The following VRK1 variants were observed in gnomAD, a reference collection of about 807,000 sequenced individuals.
VRK1 encodes VRK serine/threonine kinase 1.
VRK1 carries 33 observed loss-of-function variants against 57.1 expected under a neutral mutation model. The observed-to-expected ratio is 0.58, with a 90% confidence interval of 0.44 to 0.77. VRK1 has a LOEUF of 0.77. Among genes scored for constraint, VRK1 ranks in the 30% least tolerant of loss-of-function variants. The pLI is 0.00. For synonymous variants in VRK1, 137 were observed against 147.8 expected (o/e 0.93, Z 0.53); for missense variants, 413 against 477.3 (o/e 0.87, Z 1.25).
At chr14:96,846,304 T>G in intron 4 of VRK1, 140 bp downstream of exon 4, 1 of 809,938 alleles carries the variant, frequency 1.2e-6, no homozygotes, top group Non-Finnish European at 2.0e-6. Context: ...ATGGGATTTG[T>G]GTGAAAGAAT....
chr14:96,865,718 C>T (rs2139825404), intron 11 of VRK1, among the ~76,000 whole-genome samples: 1 of 151,850 alleles, frequency 6.6e-6, no homozygotes, highest in East Asian at 1.9e-4. Context: ...AGAGGGAATA[C>T]ACAACATCCA....
intron 1 of VRK1, among the ~76,000 whole-genome samples, chr14:96,808,983 C>T (rs1046192222): frequency 6.6e-6 from 1 of 152,162 alleles, no homozygotes; most frequent in Non-Finnish European, 1.5e-5. Flanking sequence ...TTGACTAGAA[C>T]GTCTAGAAGA....
chr14:96,861,082 G>A (rs1888372250), intron 11 of VRK1, among the ~76,000 whole-genome samples: 2 of 152,028 alleles, frequency 1.3e-5, no homozygotes, highest in South Asian at 4.1e-4. Context: ...TCTTATTTGT[G>A]GATATGGTCA....
chr14:96,874,001 A>G (rs550197768), intron 11 of VRK1, among the ~76,000 whole-genome samples: 1 of 152,292 alleles, frequency 6.6e-6, no homozygotes, highest in South Asian at 2.1e-4. Flanking sequence ...ATTTACCTGC[A>G]TGGAGATTAA....
intron 11 of VRK1, among the ~76,000 whole-genome samples, chr14:96,865,371 A>G (rs1300533929): frequency 6.6e-6 from 1 of 152,144 alleles, no homozygotes; most frequent in South Asian, 2.1e-4. Context: ...TAGATACCCT[A>G]TTCTGTACCA....
intron 11 of VRK1, among the ~76,000 whole-genome samples, chr14:96,871,551 G>T (rs984457976): frequency 6.6e-6 from 1 of 152,144 alleles, no homozygotes; most frequent in Non-Finnish European, 1.5e-5. Context: ...GAAATTAAAC[G>T]TGTGTGTATT....
chr14:96,838,967 T>G (rs1203612203), intron 3 of VRK1, among the ~76,000 whole-genome samples: 1 of 152,164 alleles, frequency 6.6e-6, no homozygotes, highest in Non-Finnish European at 1.5e-5. Context: ...CATATACCTG[T>G]GTAATCCTCA....
intron 3 of VRK1, among the ~76,000 whole-genome samples, chr14:96,844,091 T>C (rs79560732): frequency 0.13 from 19,916 of 152,236 alleles, 1,653 homozygotes; most frequent in Non-Finnish European, 0.19. Flanking sequence ...AAAGGTAAGC[T>C]TTGGAGAGGA....
Position 96,809,756 on chromosome 14 carries a change from AG to A in VRK1, c.-6+12310del, listed in dbSNP as rs551230237. Among the ~76,000 whole-genome samples, 8 of 151,940 alleles carry A rather than the reference AG, an allele frequency of 5.3e-5. No homozygotes were observed. The South Asian group carries it at 1.7e-3, about 32-fold the overall frequency. Reference sequence around the variant, plus strand: ...CCTGGCTCATTTTTGTATTTTTAGTAGAGACAGGGTTTCTCCATGTTGGCCA... The same window carrying A: ...CCTGGCTCATTTTTGTATTTTTAGTAAGACAGGGTTTCTCCATGTTGGCCA... On this transcript the variant is annotated intron_variant, in intron 1 of 12. Coordinates refer to ENST00000216639, the MANE Select transcript of VRK1 (RefSeq NM_003384.3).
chr14:96,822,907 G>T (rs1886657067), intron 1 of VRK1, among the ~76,000 whole-genome samples: 1 of 152,118 alleles, frequency 6.6e-6, no homozygotes, highest in Non-Finnish European at 1.5e-5. Flanking sequence ...CCTTGCTCAC[G>T]CCACACCAGC....
At chr14:96,857,818 C>T (rs1888227195) in intron 10 of VRK1, among the ~76,000 whole-genome samples, 1 of 152,146 alleles carries the variant, frequency 6.6e-6, no homozygotes, top group African/African-American at 2.4e-5. Context: ...GTGGGTTTCT[C>T]AGAATTATCC....
chr14:96,842,946 T>G (rs1486549116), intron 3 of VRK1, among the ~76,000 whole-genome samples: 1 of 152,198 alleles, frequency 6.6e-6, no homozygotes, highest in Non-Finnish European at 1.5e-5. Flanking sequence ...TGTCAAAAAG[T>G]TGGTTATTGC....
intron 11 of VRK1, among the ~76,000 whole-genome samples, chr14:96,868,372 G>A (rs1322735077): frequency 6.6e-6 from 1 of 152,066 alleles, no homozygotes; most frequent in Admixed American, 6.6e-5. Context: ...GGGACCGTCG[G>A]GATTTTTAAA....
intron 7 of VRK1, 57 bp from the exon 8 acceptor site, chr14:96,855,167 G>A: frequency 3.7e-6 from 6 of 1,612,744 alleles, no homozygotes; most frequent in African/African-American, 1.3e-5. Flanking sequence ...GTGCTTTAAA[G>A]GGTTATATGT....
intron 1 of VRK1, among the ~76,000 whole-genome samples, chr14:96,808,287 TA>T (rs1885997536): frequency 6.6e-6 from 1 of 152,156 alleles, no homozygotes; most frequent in African/African-American, 2.4e-5. Context: ...TGTTTTTGTT[TA>T]ATTGTTCAGT....
chr14:96,804,777 A>G (rs1201610857), intron 1 of VRK1, among the ~76,000 whole-genome samples: 1 of 152,226 alleles, frequency 6.6e-6, no homozygotes, highest in Admixed American at 6.5e-5. Context: ...TTGTTTTACA[A>G]ATATCTGCCA....
At position 96,855,264 on chromosome 14, in the gene VRK1, CAGA is replaced by C. The variant is rs1888107629; in HGVS notation, c.620_622del (p.Glu207del). On this transcript the variant is annotated inframe_deletion, in exon 8 of 13. Transcript: ENST00000216639. Reference sequence around the variant, plus strand: ...TATGGCCTTGCTTATCGGTACTGCCCAGAAGGAGTTCATAAAGAATACAAAGAA... The same window carrying C: ...TATGGCCTTGCTTATCGGTACTGCCCAGGAGTTCATAAAGAATACAAAGAA... 1 of 1,613,858 alleles carries C rather than the reference CAGA, an allele frequency of 6.2e-7. No individual in the cohort carries two copies. The highest frequency in any genetic ancestry group is 1.7e-5 in the Admixed American group (1 of 59,992).
chr14:96,875,519 A>T (rs1474357595), intron 11 of VRK1, among the ~76,000 whole-genome samples: 1 of 152,218 alleles, frequency 6.6e-6, no homozygotes, highest in Non-Finnish European at 1.5e-5. Context: ...TTATTGATTC[A>T]TAAATAGAAT....
rs566525186 is a variant in VRK1, at chr14:96,836,284, A to G, written c.161-1478A>G. Among the ~76,000 whole-genome samples the G allele has an allele frequency of 2.6e-5, 4 of 152,090 alleles. No individual in the cohort carries two copies. The East Asian group carries it at 7.7e-4, about 29-fold the overall frequency. ...CCCTTGCCCCTATACTCCATTCTCC[A>G]CAAAGCAGCCCAAAGAAGTCTTTAT... On this transcript the variant is annotated intron_variant, in intron 2 of 12. Transcript: ENST00000216639.
Sources: allele counts gnomAD v4.1 joint callset (sites outside exome capture counted in the v4.1 genomes callset), GRCh38; gene constraint gnomAD v4.1.1; transcripts MANE v1.5; gene names NCBI Gene and HGNC (gene_info 2026-07-23, HGNC 2026-07-21).